NOL4: variants seen among roughly 807,000 people sequenced by gnomAD.
NOL4 encodes cancer/testis antigen 125.
A neutral mutation model predicts 75.9 loss-of-function variants in NOL4; 17 were observed. That is an observed-to-expected ratio of 0.22 (90% confidence interval 0.15 to 0.34). The LOEUF is 0.34. NOL4 is among the 10% of genes least tolerant of loss of function. The pLI, the probability that NOL4 is intolerant of heterozygous loss-of-function variation, is 1.00. For missense variants in NOL4, 614 were observed against 793.5 expected (o/e 0.77, Z 2.72); for synonymous variants, 292 against 289.9 (o/e 1.01, Z -0.07).
Position 33,923,636 on chromosome 18 carries a change from A to G in NOL4, c.1542+19429T>C, listed in dbSNP as rs191693896. Among the ~76,000 whole-genome samples the G allele has an allele frequency of 5.9e-3, 903 of 152,272 alleles. 4 individuals carry two copies. Among genetic ancestry groups the G allele is most frequent in the Admixed American group, 9.9e-3 (151 of 15,282 alleles). ...ACCCAAAGTATTATTTACCATATTG[A>G]CAAATACCGTCTTCCTTATGTGTAC... is the stretch of plus-strand genomic sequence containing the variant. On this transcript the variant is annotated intron_variant, in intron 9 of 10. Coordinates refer to ENST00000261592, the MANE Select transcript of NOL4 (RefSeq NM_003787.5).
rs952822040 is a variant in NOL4 at position 33,914,617 on chromosome 18, T to G, written c.1542+28448A>C. 2.6e-5 allele frequency among the ~76,000 whole-genome samples: 4 copies of G among 151,766 alleles called. No homozygotes were observed. In the East Asian group the frequency reaches 7.8e-4, roughly 29 times the overall value. On this transcript the variant is annotated intron_variant, in intron 9 of 10. Transcript: ENST00000261592. Reference sequence around the variant, plus strand: ...AATTCAGATGAGTCATGATGGTGAGTTGGAAAAGGACAAAAGGTAAGAACA... The same window carrying G: ...AATTCAGATGAGTCATGATGGTGAGGTGGAAAAGGACAAAAGGTAAGAACA...
chr18:34,005,573 G>C (rs1179998628), intron 6 of NOL4, among the ~76,000 whole-genome samples: 1 of 151,952 alleles, frequency 6.6e-6, no homozygotes, highest in Non-Finnish European at 1.5e-5. Context: ...TCTCAAAACT[G>C]AGGCTGGCAA....
intron 6 of NOL4, 127 bp from the exon 7 acceptor site, chr18:33,958,545 G>C (rs1408485579): frequency 3.1e-6 from 2 of 652,576 alleles, no homozygotes; most frequent in East Asian, 3.0e-5. Context: ...TAGAGCTGTG[G>C]TGATTTTAGT....
At chr18:34,047,960 T>TA (rs35593588) in intron 5 of NOL4, among the ~76,000 whole-genome samples, 2 of 152,120 alleles carry the variant, frequency 1.3e-5, no homozygotes, top group African/African-American at 2.4e-5. Flanking sequence ...TATAATGACC[T>TA]AAAAAACCAC....
At chr18:34,218,277 G>T (rs760155885) in intron 1 of NOL4, among the ~76,000 whole-genome samples, 3 of 152,120 alleles carry the variant, frequency 2.0e-5, no homozygotes, top group African/African-American at 4.8e-5. Context: ...GAGTAAACCC[G>T]TAGGGAGCAG....
chr18:33,995,181 G>T (rs539175454), intron 6 of NOL4, among the ~76,000 whole-genome samples: 1 of 151,330 alleles, frequency 6.6e-6, no homozygotes, highest in Admixed American at 6.6e-5. Flanking sequence ...TCTACCAAAC[G>T]TTTAAAAACA....
At chr18:34,219,728 GAA>G (rs1416023390) in intron 1 of NOL4, among the ~76,000 whole-genome samples, 1 of 152,224 alleles carries the variant, frequency 6.6e-6, no homozygotes, top group East Asian at 1.9e-4. Context: ...TTTAATGAAA[GAA>G]TGTATAAAAA....
chr18:33,968,288 C>T lies in NOL4; in HGVS notation c.1057-9870G>A, dbSNP rs182211735. 1.4e-3 allele frequency among the ~76,000 whole-genome samples: 211 copies of T among 152,066 alleles called. 3 individuals are homozygous for T. Among genetic ancestry groups the T allele is most frequent in the East Asian group, 9.7e-4 (5 of 5,166 alleles). On this transcript the variant is annotated intron_variant, in intron 6 of 10. Coordinates refer to ENST00000261592, the MANE Select transcript of NOL4 (RefSeq NM_003787.5). ...CAGTAATCCCATTACTGCATACAAG[C>T]CCAAGGGAAATCAAATCATTTTACC...
chr18:33,882,615 A>C (rs2064362472), intron 10 of NOL4, among the ~76,000 whole-genome samples: 1 of 148,508 alleles, frequency 6.7e-6, no homozygotes, highest in Non-Finnish European at 1.5e-5. Flanking sequence ...GTGGGACTGT[A>C]AACTAGTTCA....
chr18:34,117,939 C>T (rs2079939594), intron 2 of NOL4, among the ~76,000 whole-genome samples: 1 of 152,056 alleles, frequency 6.6e-6, no homozygotes, highest in Non-Finnish European at 1.5e-5. Context: ...ATAAGCTAAT[C>T]AAAAGATTTA....
chr18:34,038,870 T>A (rs1397651925), intron 5 of NOL4, among the ~76,000 whole-genome samples: 5 of 152,010 alleles, frequency 3.3e-5, no homozygotes, highest in African/African-American at 1.2e-4. Flanking sequence ...ACTGTATATT[T>A]CAAAATAGCT....
At chr18:33,916,137 A>T (rs1264174888) in intron 9 of NOL4, among the ~76,000 whole-genome samples, 2 of 152,162 alleles carry the variant, frequency 1.3e-5, no homozygotes, top group African/African-American at 4.8e-5. Flanking sequence ...GTGATAGAGT[A>T]AACATTTTTC....
At chr18:34,127,956 G>A (rs1438611208) in intron 2 of NOL4, among the ~76,000 whole-genome samples, 1 of 151,726 alleles carries the variant, frequency 6.6e-6, no homozygotes, top group Non-Finnish European at 1.5e-5. Context: ...ATTAGATAAG[G>A]TTTCAGATTC....
At chr18:34,218,647 G>A (rs997557715) in intron 1 of NOL4, among the ~76,000 whole-genome samples, 7 of 152,114 alleles carry the variant, frequency 4.6e-5, no homozygotes, top group South Asian at 2.1e-4. Context: ...ATTCATTCTC[G>A]GGATCTATTT....
intron 8 of NOL4, 121 bp downstream of exon 8, chr18:33,957,205 C>A: frequency 1.4e-6 from 1 of 721,922 alleles, no homozygotes; most frequent in East Asian, 2.8e-5. Context: ...AACAAAACCC[C>A]CTTTGACCTG....
intron 1 of NOL4, among the ~76,000 whole-genome samples, chr18:34,187,051 G>C (rs534597092): frequency 6.6e-6 from 1 of 152,196 alleles, no homozygotes; most frequent in East Asian, 1.9e-4. Context: ...ACCCAGAGTG[G>C]ACTTATAGTT....
intron 10 of NOL4, among the ~76,000 whole-genome samples, chr18:33,876,559 T>C (rs1263136907): frequency 1.3e-5 from 2 of 152,090 alleles, no homozygotes; most frequent in South Asian, 2.1e-4. Flanking sequence ...ATGTCCTTTT[T>C]AGCTCTCAAG....
At chr18:34,037,619 A>G (rs2075967216) in intron 5 of NOL4, among the ~76,000 whole-genome samples, 1 of 152,122 alleles carries the variant, frequency 6.6e-6, no homozygotes, top group Non-Finnish European at 1.5e-5. Flanking sequence ...TTATATTTAC[A>G]CCCAGCTAAT....
intron 1 of NOL4, among the ~76,000 whole-genome samples, chr18:34,213,262 T>C (rs1187028011): frequency 6.6e-6 from 1 of 152,160 alleles, no homozygotes; most frequent in Non-Finnish European, 1.5e-5. Flanking sequence ...GATTAGGTCC[T>C]GAGGGCTCTG....
Sources: gnomAD v4.1 joint callset for allele counts (sites outside exome capture counted in the v4.1 genomes callset) on GRCh38, gnomAD v4.1.1 for gene constraint, MANE v1.5 for transcripts, NCBI Gene and HGNC (gene_info 2026-07-23, HGNC 2026-07-21) for gene names.